The following CFAP61 variants were observed in gnomAD, a reference collection of about 807,000 sequenced individuals.
The protein encoded by CFAP61 is cilia and flagella associated protein 61.
Under a neutral mutation model 135.6 loss-of-function variants are expected in CFAP61, and 107 were observed. The ratio of observed to expected loss-of-function variants is 0.79; its 90% CI spans 0.67 to 0.93. The LOEUF (loss-of-function observed/expected upper bound fraction) is 0.93. CFAP61 is among the 40% of genes least tolerant of loss of function. CFAP61 has a pLI of 0.00. For missense variants in CFAP61, 1,507 were observed against 1,556.2 expected (o/e 0.97, Z 0.53); for synonymous variants, 575 against 578.5 (o/e 0.99, Z 0.09).
intron 26 of CFAP61, among the ~76,000 whole-genome samples, chr20:20,348,715 C>T (rs911872846): frequency 1.1e-5 from 1 of 88,310 alleles, no homozygotes; most frequent in African/African-American, 4.2e-5. Flanking sequence ...AAAAAAAGAA[C>T]AAAGGGGAAA....
chr20:20,269,462 C>T (rs2147027112), intron 21 of CFAP61, among the ~76,000 whole-genome samples: 1 of 152,166 alleles, frequency 6.6e-6, no homozygotes, highest in South Asian at 2.1e-4. Flanking sequence ...ACCTCTGCCT[C>T]TCAGGCTCAA....
intron 26 of CFAP61, among the ~76,000 whole-genome samples, chr20:20,358,191 C>T (rs1452866679): frequency 8.5e-6 from 1 of 117,136 alleles, no homozygotes; most frequent in East Asian, 2.6e-4. Flanking sequence ...AGTGGTCACA[C>T]TGAGGGGAAT....
At position 20,060,980 on chromosome 20, in the gene CFAP61, A is replaced by C. The variant is rs77959843; in HGVS notation, c.143+4184A>C. 9.6e-3 allele frequency among the ~76,000 whole-genome samples: 1,459 copies of C among 152,350 alleles called. 22 individuals are homozygous for C. Among genetic ancestry groups the C allele is most frequent in the African/African-American group, 0.034 (1,405 of 41,580 alleles). On this transcript the variant is annotated intron_variant, in intron 2 of 26. Transcript: ENST00000245957. ...CACTGCTGCCATTTGATAGCCTGAG[A>C]TACCGTGCAAAAACTGCTTAGTTCA...
chr20:20,290,909 C>G (rs1364259014), intron 24 of CFAP61, among the ~76,000 whole-genome samples: 1 of 152,204 alleles, frequency 6.6e-6, no homozygotes, highest in Non-Finnish European at 1.5e-5. Context: ...AGCCAGAACT[C>G]CCTAGCTAAG....
intron 25 of CFAP61, among the ~76,000 whole-genome samples, chr20:20,316,126 G>A (rs1410653644): frequency 6.6e-6 from 1 of 151,606 alleles, no homozygotes; most frequent in African/African-American, 2.4e-5. Context: ...AAATTACCTT[G>A]GGCAGTATGG....
intron 25 of CFAP61, among the ~76,000 whole-genome samples, chr20:20,340,836 T>C (rs367847796): frequency 1.3e-5 from 2 of 152,162 alleles, no homozygotes; most frequent in East Asian, 3.9e-4. Context: ...CAGGAACTGA[T>C]GCCATGTTCT....
At chr20:20,355,143 T>TGAGGGGAGGTACTCACAC in intron 26 of CFAP61, among the ~76,000 whole-genome samples, 1 of 65,816 alleles carries the variant, frequency 1.5e-5, no homozygotes, top group East Asian at 4.9e-4. Flanking sequence ...GGTGGTCACA[T>TGAGGGGAGGTACTCACAC]TGTGAGAGGG....
intron 9 of CFAP61, among the ~76,000 whole-genome samples, chr20:20,158,105 G>A (rs8123010): frequency 6.8e-6 from 1 of 147,288 alleles, no homozygotes; most frequent in Middle Eastern, 3.4e-3. Context: ...GTGGGGGGAG[G>A]GGGGAGGGAT....
In CFAP61 at chr20:20,359,897, G is replaced by A. The variant is rs1047534357; in HGVS notation, c.3514-313G>A. 3.3e-5 allele frequency among the ~76,000 whole-genome samples: 5 copies of A among 152,100 alleles called. No homozygotes were observed. The highest frequency in any genetic ancestry group is 7.3e-5 in the Non-Finnish European group (5 of 68,030). ...GTTTCCAGGGCCTGGAGGATGGGAG[G>A]GTACGGAGCTGGTGTTTAATGGAGA... On this transcript the variant is annotated intron_variant, in intron 26 of 26. Coordinates refer to ENST00000245957, the MANE Select transcript of CFAP61 (RefSeq NM_015585.4). The surrounding 1 kb of genome is among the most constrained non-coding windows in gnomAD (Gnocchi z 4.0).
chr20:20,185,245 G>A (rs571378806), intron 13 of CFAP61, among the ~76,000 whole-genome samples: 27 of 152,312 alleles, frequency 1.8e-4, no homozygotes, highest in African/African-American at 6.5e-4. Flanking sequence ...TCTATTACTG[G>A]GAATTTGAGT....
chr20:20,202,378 A>G (rs566618049), intron 17 of CFAP61, among the ~76,000 whole-genome samples: 12 of 152,358 alleles, frequency 7.9e-5, no homozygotes, highest in African/African-American at 2.9e-4. Flanking sequence ...CAAGCTTCAG[A>G]AAATTGTAAT....
intron 20 of CFAP61, 152 bp downstream of exon 20, chr20:20,251,915 C>A: frequency 1.3e-6 from 1 of 756,408 alleles, no homozygotes; most frequent in Non-Finnish European, 2.1e-6. Flanking sequence ...CCTTCAGGGC[C>A]CGCACACATA....
chr20:20,076,738 G>A (rs1198932483), intron 6 of CFAP61, among the ~76,000 whole-genome samples: 4 of 152,202 alleles, frequency 2.6e-5, no homozygotes, highest in Non-Finnish European at 1.5e-5. Flanking sequence ...AAAAGTAAGA[G>A]CCTATGATTT....
At chr20:20,311,265 G>T (rs1394451127) in intron 25 of CFAP61, among the ~76,000 whole-genome samples, 1 of 152,102 alleles carries the variant, frequency 6.6e-6, no homozygotes, top group African/African-American at 2.4e-5. Flanking sequence ...ATAATATACA[G>T]GTCCACAAAA....
intron 18 of CFAP61, among the ~76,000 whole-genome samples, chr20:20,237,402 G>A (rs957768978): frequency 2.0e-5 from 3 of 152,156 alleles, no homozygotes; most frequent in Non-Finnish European, 2.9e-5. Context: ...ACCCAAGGTG[G>A]AGCTGGGCAA....
chr20:20,298,470 C>T (rs560943938), intron 25 of CFAP61, 84 bp downstream of exon 25: 1 of 1,179,464 alleles, frequency 8.5e-7, no homozygotes, highest in Non-Finnish European at 1.2e-6. Context: ...TTGTGATGCA[C>T]CCGAGAGCAA....
chr20:20,097,330 A>G (rs929609689), intron 7 of CFAP61, among the ~76,000 whole-genome samples: 3 of 152,212 alleles, frequency 2.0e-5, no homozygotes, highest in African/African-American at 7.2e-5. Context: ...TTCTAATAAG[A>G]GCTATCAGAG....
At chr20:20,112,089 A>G (rs2146671636) in intron 8 of CFAP61, among the ~76,000 whole-genome samples, 1 of 152,348 alleles carries the variant, frequency 6.6e-6, no homozygotes, top group Non-Finnish European at 1.5e-5. Context: ...AACAATAACT[A>G]TCCAGGATAA....
chr20:20,301,284 A>G (rs2056077241), intron 25 of CFAP61, among the ~76,000 whole-genome samples: 1 of 152,252 alleles, frequency 6.6e-6, no homozygotes, highest in Admixed American at 6.5e-5. Context: ...TGGAGTTACA[A>G]TTGCCTACAG....
Sources: gnomAD v4.1 joint callset for allele counts (sites outside exome capture counted in the v4.1 genomes callset) on GRCh38, gnomAD v4.1.1 for gene constraint, Gnocchi (gnomAD v3.1) non-coding constraint, MANE v1.5 for transcripts, NCBI Gene and HGNC (gene_info 2026-07-23, HGNC 2026-07-21) for gene names.